The following ATP6V0A4 variants were observed in gnomAD, a reference collection of about 807,000 sequenced individuals.
ATP6V0A4 encodes the protein V-type proton ATPase 116 kDa subunit a 4.
Under a neutral mutation model 107.3 loss-of-function variants are expected in ATP6V0A4, and 86 were observed. That is an observed-to-expected ratio of 0.80 (90% CI 0.67 to 0.96). ATP6V0A4 has a LOEUF of 0.96. Ranked by LOEUF, ATP6V0A4 falls within the 40% of genes least tolerant of loss-of-function variation. ATP6V0A4 has a pLI of 0.00. For synonymous variants in ATP6V0A4, 353 were observed against 381.4 expected, an observed-to-expected ratio of 0.93 and a Z score of 0.87; for missense variants, 908 against 1,045.6, an observed-to-expected ratio of 0.87 and a Z score of 1.81.
intron 17 of ATP6V0A4, among the ~76,000 whole-genome samples, chr7:138,732,558 C>T (rs1344954651): frequency 6.6e-6 from 1 of 152,018 alleles, no homozygotes; most frequent in Non-Finnish European, 1.5e-5. Flanking sequence ...TTTTGCGAGG[C>T]CAAAGCAGGT....
chr7:138,723,340 G>GA (rs957102388), intron 18 of ATP6V0A4, among the ~76,000 whole-genome samples: 5 of 150,580 alleles, frequency 3.3e-5, no homozygotes, highest in African/African-American at 1.2e-4. Context: ...AAAATTCAAG[G>GA]AAAAAAAAAT....
At chr7:138,707,249 TATAG>T (rs1803466601) in intron 21 of ATP6V0A4, among the ~76,000 whole-genome samples, 1 of 89,394 alleles carries the variant, frequency 1.1e-5, no homozygotes, top group Non-Finnish European at 2.0e-5. Context: ...TATTATATTA[TATAG>T]AATATATATT....
At chr7:138,784,242 A>ACG (rs1808058156) in intron 2 of ATP6V0A4, among the ~76,000 whole-genome samples, 4 of 38,206 alleles carry the variant, frequency 1.0e-4, no homozygotes, top group South Asian at 9.5e-4. Context: ...ATACGTATAT[A>ACG]TATATATATA....
chr7:138,737,579 C>CTTTTTTTTTTTT (rs373540257), intron 15 of ATP6V0A4, among the ~76,000 whole-genome samples: 4 of 134,642 alleles, frequency 3.0e-5, no homozygotes, highest in African/African-American at 5.5e-5. Context: ...TTTTCTTTTT[C>CTTTTTTTTTTTT]TTTTTTTTTT....
intron 2 of ATP6V0A4, among the ~76,000 whole-genome samples, chr7:138,778,012 C>T (rs1411501768): frequency 1.3e-5 from 2 of 152,166 alleles, no homozygotes; most frequent in Non-Finnish European, 2.9e-5. Flanking sequence ...GCACACAACA[C>T]ATATTTCATT....
intron 20 of ATP6V0A4, among the ~76,000 whole-genome samples, chr7:138,711,500 A>G (rs949147643): frequency 1.3e-5 from 2 of 152,154 alleles, no homozygotes; most frequent in African/African-American, 4.8e-5. Context: ...GGTCACAATG[A>G]TGTAGCCCAG....
Position 138,771,274 on chromosome 7 carries a change from A to G in ATP6V0A4, c.-17-10T>C. 1 of 1,610,886 alleles carries G rather than the reference A, an allele frequency of 6.2e-7. No individual in the cohort carries two copies. The highest frequency in any genetic ancestry group is 8.5e-7 in the Non-Finnish European group (1 of 1,177,422). On this transcript the variant is annotated splice_polypyrimidine_tract_variant and intron_variant, in intron 2 of 21. Transcript: ENST00000310018. Reference sequence around the variant, plus strand: ...TTGGCCCAGCCTCGGTCTACAGGAGAAAAAGAAAAAGATATTAATATTTAA... The same window carrying G: ...TTGGCCCAGCCTCGGTCTACAGGAGGAAAAGAAAAAGATATTAATATTTAA...
intron 13 of ATP6V0A4, among the ~76,000 whole-genome samples, chr7:138,745,967 A>ATATATC (rs1805919353): frequency 2.5e-5 from 1 of 39,956 alleles, no homozygotes; most frequent in Admixed American, 3.6e-4. Context: ...AAAAAAATAT[A>ATATATC]TATATATATA....
intron 2 of ATP6V0A4, among the ~76,000 whole-genome samples, chr7:138,772,436 A>C (rs1341022356): frequency 1.3e-5 from 2 of 152,178 alleles, no homozygotes; most frequent in Non-Finnish European, 2.9e-5. Flanking sequence ...CTGTATATGG[A>C]AGAAGGATGC....
At chr7:138,755,321 G>T (rs1584929232) in intron 10 of ATP6V0A4, among the ~76,000 whole-genome samples, 1 of 152,156 alleles carries the variant, frequency 6.6e-6, no homozygotes. Context: ...GCAATTCAGT[G>T]GGAAAATAAT....
At chr7:138,777,665 T>C (rs112491846) in intron 2 of ATP6V0A4, among the ~76,000 whole-genome samples, 8,507 of 138,290 alleles carry the variant, frequency 0.062, 849 homozygotes, top group African/African-American at 0.24. Context: ...CACACACACA[T>C]ATATATTACT....
At chr7:138,713,280 G>GAAAAA (rs10673617) in intron 20 of ATP6V0A4, among the ~76,000 whole-genome samples, 2 of 120,748 alleles carry the variant, frequency 1.7e-5, no homozygotes, top group Admixed American at 9.0e-5. Context: ...ACTCCAGCCT[G>GAAAAA]AAAAAAAAAA....
rs1282321173 is a variant in ATP6V0A4, at chr7:138,706,420, CA to C, written c.*203del. The C allele has an allele frequency of 4.9e-6, 3 of 612,392 alleles. No individual in the cohort carries two copies. In the East Asian group the frequency reaches 8.7e-5, roughly 18 times the overall value. The allele number at this position is 612,392 out of a possible 1,614,324, so 37.9% of individuals were successfully genotyped here. ...TGAGAATTAATACCCCACATGAAGA[CA>C]ATATCACTTGCCAAAGTCCTTCCTC... On this transcript the variant is annotated 3_prime_UTR_variant, in exon 22 of 22. Transcript: ENST00000310018.
rs33940158 is a variant in ATP6V0A4, at chr7:138,759,052, A to ATTTTTTT, written c.639+693_639+699dup. On this transcript the variant is annotated intron_variant, in intron 8 of 21. Transcript: ENST00000310018. ...AGGCATGAGCCACCATGCCCAGCCT[A>ATTTTTTT]TTTTTTTTTTTTTTTTTTTTTTTTT... 6.5e-3 allele frequency among the ~76,000 whole-genome samples: 353 copies of ATTTTTTT among 54,566 alleles called. 31 individuals are homozygous for ATTTTTTT. Among genetic ancestry groups the ATTTTTTT allele is most frequent in the African/African-American group, 0.03 (340 of 11,460 alleles). The allele number at this position is 54,566 out of a possible 152,430, so 35.8% of individuals were successfully genotyped here. A position where few individuals can be genotyped will look rare whatever the true frequency, so the allele number is the denominator to read the frequency against.
At position 138,721,888 on chromosome 7, in the gene ATP6V0A4, C is replaced by A. The variant is rs1804438836; in HGVS notation, c.2139+9G>T. ...GGGAGTCTTCCTCAGGGGCTCTCGT[C>A]CCAGATACCTCTTCTCCATGGTCGT... On this transcript the variant is annotated intron_variant, in intron 19 of 21. Coordinates refer to ENST00000310018, the MANE Select transcript of ATP6V0A4 (RefSeq NM_020632.3). 6.2e-7 allele frequency: 1 copy of A among 1,614,060 alleles called. No individual in the cohort carries two copies. The highest frequency in any genetic ancestry group is 1.3e-5 in the African/African-American group (1 of 75,038).
intron 15 of ATP6V0A4, among the ~76,000 whole-genome samples, chr7:138,739,058 T>A (rs763453590): frequency 2.6e-5 from 4 of 152,194 alleles, no homozygotes; most frequent in Non-Finnish European, 5.9e-5. Flanking sequence ...GAGATAGATA[T>A]AACAAACATA....
In ATP6V0A4 at chr7:138,721,906, A is replaced by C; in HGVS notation, c.2130T>G (p.His710Gln). The change falls in exon 19 of 22, where the codon CAT becomes CAG. Residue 710 changes from histidine (H) to glutamine (Q), a missense_variant. By Grantham distance (24) the His-to-Gln change is conservative. Coordinates refer to ENST00000310018, the MANE Select transcript of ATP6V0A4 (RefSeq NM_020632.3). ...SADTHGALDDHGEEFNFGDVF... is the reference protein window; with the variant it reads ...SADTHGALDDQGEEFNFGDVF... ...CTCTCGTCCCAGATACCTCTTCTCCATGGTCGTCCAGAGCCCCGTGGGTAT... is the reference window on the plus strand; with the variant it reads ...CTCTCGTCCCAGATACCTCTTCTCCCTGGTCGTCCAGAGCCCCGTGGGTAT... 1 of 1,613,964 alleles carries C rather than the reference A, an allele frequency of 6.2e-7. No individual in the cohort carries two copies. The highest frequency in any genetic ancestry group is 8.5e-7 in the Non-Finnish European group (1 of 1,179,962).
chr7:138,794,564 T>A (rs3778689), intron 1 of ATP6V0A4, among the ~76,000 whole-genome samples: 1 of 151,948 alleles, frequency 6.6e-6, no homozygotes, highest in East Asian at 1.9e-4. Context: ...TCTTGGCTAC[T>A]CCTCTCTCCA....
rs543743985 is a variant in ATP6V0A4, at chr7:138,740,705, G to A, written c.1479-1072C>T. ...GATCCGCCTGCCTCGGCCTCCCAAAGTGCTGGGATTTGGTGTGAGCCACGA... is the reference window on the plus strand; with the variant it reads ...GATCCGCCTGCCTCGGCCTCCCAAAATGCTGGGATTTGGTGTGAGCCACGA... On this transcript the variant is annotated intron_variant, in intron 14 of 21. Coordinates refer to ENST00000310018, the MANE Select transcript of ATP6V0A4 (RefSeq NM_020632.3). Among the ~76,000 whole-genome samples, 16 of 151,724 alleles carry A rather than the reference G, an allele frequency of 1.1e-4. No homozygotes were observed. The East Asian group carries it at 2.7e-3, about 26-fold the overall frequency.
Sources: allele counts gnomAD v4.1 joint callset (sites outside exome capture counted in the v4.1 genomes callset), GRCh38; gene constraint gnomAD v4.1.1; transcripts MANE v1.5; gene names NCBI Gene and HGNC (gene_info 2026-07-23, HGNC 2026-07-21).